The following WDR55 variants were observed in gnomAD, a reference collection of about 807,000 sequenced individuals.
WDR55 encodes the protein WD repeat domain 55, also known as WD repeat-containing protein 55.
WDR55 carries 31 observed loss-of-function variants against 34.0 expected under a neutral mutation model. The observed-to-expected ratio is 0.91, with a 90% CI of 0.69 to 1.23. The LOEUF is 1.23. WDR55 is among the 50% of genes most tolerant of loss of function. WDR55 has a pLI of 0.00. For missense variants in WDR55, 440 were observed against 494.6 expected (o/e 0.89, Z 1.05); for synonymous variants, 164 against 185.9 (o/e 0.88, Z 0.96).
At chr5:140,667,008 T>C in intron 1 of WDR55, 1 of 985,418 alleles carries the variant, frequency 1.0e-6, no homozygotes, top group African/African-American at 1.7e-5. Context: ...GTAATGGCCT[T>C]GAGCGTGTTA....
chr5:140,665,257 A>C (rs189865694), intron 1 of WDR55, among the ~76,000 whole-genome samples, 154 bp downstream of exon 1: 1 of 152,356 alleles, frequency 6.6e-6, no homozygotes, highest in East Asian at 1.9e-4. Context: ...CTATCACACC[A>C]ATCTGTTGAA....
intron 1 of WDR55, among the ~76,000 whole-genome samples, chr5:140,665,713 T>A (rs1174652105): frequency 6.6e-6 from 1 of 152,060 alleles, no homozygotes; most frequent in African/African-American, 2.4e-5. Context: ...CTTTAAGTGA[T>A]TTTTCAAACC....
Position 140,671,774 on chromosome 5 carries a change from G to T in WDR55, c.*2120G>T. 1 of 1,555,654 alleles carries T rather than the reference G, an allele frequency of 6.4e-7. No individual in the cohort carries two copies. The highest frequency in any genetic ancestry group is 1.2e-5 in the South Asian group (1 of 84,294). On this transcript the variant is annotated 3_prime_UTR_variant, in exon 7 of 7. Transcript: ENST00000358337. ...CCCTGTAGGAAAAATGCAAAGACAAGGGCAGGTCTAAACCCTGGGCCCAAG... is the reference window on the plus strand; with the variant it reads ...CCCTGTAGGAAAAATGCAAAGACAATGGCAGGTCTAAACCCTGGGCCCAAG...
Position 140,664,966 on chromosome 5 carries a change from C to A in WDR55, c.54C>A (p.Asp18Glu). The change falls in exon 1 of 7, where the codon GAC becomes GAA. Residue 18 changes from aspartate (D) to glutamate (E), a missense_variant. By Grantham distance (45) the Asp-to-Glu change is conservative. Transcript: ENST00000358337. ...RPAEDGSDEE[D>E]PDSMEAPTRI... ...CTGAGGATGGGAGCGACGAGGAGGA[C>A]CCAGACTCCATGGAAGCCCCAACCC... The A allele has an allele frequency of 6.2e-7, 1 of 1,613,118 alleles. No homozygotes were observed. The highest frequency in any genetic ancestry group is 8.5e-7 in the Non-Finnish European group (1 of 1,179,608).
chr5:140,666,670 T>C (rs1655584958), intron 1 of WDR55: 1 of 984,586 alleles, frequency 1.0e-6, no homozygotes. Context: ...GTCTTTGACC[T>C]TGCCTCACAG....
At position 140,669,597 on chromosome 5, in the gene WDR55, G is replaced by A; in HGVS notation, c.1095G>A (p.Glu365=). 1 of 1,614,114 alleles carries A rather than the reference G, an allele frequency of 6.2e-7. No individual in the cohort carries two copies. Among genetic ancestry groups the A allele is most frequent in the Non-Finnish European group, 8.5e-7 (1 of 1,180,002 alleles). The change falls in exon 7 of 7, where the codon GAG becomes GAA. Residue 365 remains glutamate (E), a synonymous_variant. Coordinates refer to ENST00000358337, the MANE Select transcript of WDR55 (RefSeq NM_017706.5). ...TDDFFAGLRE[E]GEDSMAQEEK... ...ACTTCTTCGCAGGACTGAGGGAAGA[G>A]GGAGAAGACTCCATGGCTCAGGAAG...
chr5:140,667,963 G>T, intron 1 of WDR55: 1 of 298,172 alleles, frequency 3.4e-6, no homozygotes, highest in South Asian at 5.9e-5. Flanking sequence ...GTCCAGGCTG[G>T]GGCTTTCAAA....
chr5:140,671,625 C>T lies in WDR55; in HGVS notation c.*1971C>T. 6.3e-7 allele frequency: 1 copy of T among 1,575,668 alleles called. No individual in the cohort carries two copies. Among genetic ancestry groups the T allele is most frequent in the Non-Finnish European group, 8.6e-7 (1 of 1,161,088 alleles). Reference sequence around the variant, plus strand: ...AACCCTAACTTGTCCCTTGCCAAAGCCAACTGGCTGCCCTCTGGCTGTGGG... The same window carrying T: ...AACCCTAACTTGTCCCTTGCCAAAGTCAACTGGCTGCCCTCTGGCTGTGGG... On this transcript the variant is annotated 3_prime_UTR_variant, in exon 7 of 7. Coordinates refer to ENST00000358337, the MANE Select transcript of WDR55 (RefSeq NM_017706.5).
In WDR55 at chr5:140,669,770, C is replaced by T; in HGVS notation, c.*116C>T. 1 of 1,106,712 alleles carries T rather than the reference C, an allele frequency of 9.0e-7. No homozygotes were observed. 68.6% of individuals were successfully genotyped at this position (1,106,712 alleles called of 1,614,324 possible). A position where few individuals can be genotyped will look rare whatever the true frequency, so the allele number is the denominator to read the frequency against. On this transcript the variant is annotated 3_prime_UTR_variant, in exon 7 of 7. Coordinates refer to ENST00000358337, the MANE Select transcript of WDR55 (RefSeq NM_017706.5). ...GAAAAGACAGGGTTTTGCCATCGTC[C>T]AGGCTGGAGTGCGCTGGCTTGATCT...
chr5:140,667,397 A>G (rs1757951847), intron 1 of WDR55: 1 of 153,380 alleles, frequency 6.5e-6, no homozygotes, highest in East Asian at 1.9e-4. Flanking sequence ...TCCTGCTACA[A>G]GGAACCCTCC....
At chr5:140,665,750 C>A (rs534480999) in intron 1 of WDR55, among the ~76,000 whole-genome samples, 3 of 152,298 alleles carry the variant, frequency 2.0e-5, no homozygotes, top group Admixed American at 1.3e-4. Context: ...GCCTGTAATA[C>A]CCGCACTTTG....
In WDR55 at chr5:140,670,711, G is replaced by A. The variant is rs1227172564; in HGVS notation, c.*1057G>A. The stretch of plus-strand genomic sequence containing the variant: ...GAAGATGCACTCAAAGCACTGATGT[G>A]AGGAAGTACTTGCCCCGTAGCAGCT... On this transcript the variant is annotated 3_prime_UTR_variant, in exon 7 of 7. Coordinates refer to ENST00000358337, the MANE Select transcript of WDR55 (RefSeq NM_017706.5). 5.9e-6 allele frequency: 1 copy of A among 169,388 alleles called. No individual in the cohort carries two copies. Among genetic ancestry groups the A allele is most frequent in the Non-Finnish European group, 1.3e-5 (1 of 77,168 alleles). The allele number at this position is 169,388 out of a possible 1,614,324, so 10.5% of individuals were successfully genotyped here. A position where few individuals can be genotyped will look rare whatever the true frequency, so the allele number is the denominator to read the frequency against.
At position 140,670,712 on chromosome 5, in the gene WDR55, AG is replaced by A. The variant is rs961937431; in HGVS notation, c.*1060del. On this transcript the variant is annotated 3_prime_UTR_variant, in exon 7 of 7. Coordinates refer to ENST00000358337, the MANE Select transcript of WDR55 (RefSeq NM_017706.5). Reference sequence around the variant, plus strand: ...AAGATGCACTCAAAGCACTGATGTGAGGAAGTACTTGCCCCGTAGCAGCTAT... The same window carrying A: ...AAGATGCACTCAAAGCACTGATGTGAGAAGTACTTGCCCCGTAGCAGCTAT... 1 of 169,374 alleles carries A rather than the reference AG, an allele frequency of 5.9e-6. No individual in the cohort carries two copies. The highest frequency in any genetic ancestry group is 2.4e-5 in the African/African-American group (1 of 41,732). 10.5% of individuals were successfully genotyped at this position (169,374 alleles called of 1,614,324 possible).
Position 140,669,536 on chromosome 5 carries a change from T to C in WDR55, c.1034T>C (p.Leu345Pro), listed in dbSNP as rs1296466583. ...CGGCGCAAAAAAAAGGGAGGACCAC[T>C]GCGGGCTCTGAGCAGCAAGACTTGG... Reference protein sequence around the residue: ...YRRRKKKGGPLRALSSKTWST... With the variant: ...YRRRKKKGGPPRALSSKTWST... The change falls in exon 7 of 7, where the codon CTG becomes CCG. Residue 345 changes from leucine to proline, a missense_variant. By Grantham distance (98) the Leu-to-Pro change is moderately conservative. Coordinates refer to ENST00000358337, the MANE Select transcript of WDR55 (RefSeq NM_017706.5). The C allele has an allele frequency of 1.2e-6, 2 of 1,613,914 alleles. No individual in the cohort carries two copies. The highest frequency in any genetic ancestry group is 1.7e-6 in the Non-Finnish European group (2 of 1,179,986).
Position 140,668,297 on chromosome 5 carries a change from G to A in WDR55, c.255G>A (p.Lys85=). 6.2e-7 allele frequency: 1 copy of A among 1,614,178 alleles called. No homozygotes were observed. The highest frequency in any genetic ancestry group is 8.5e-7 in the Non-Finnish European group (1 of 1,180,024). The change falls in exon 2 of 7, where the codon AAG becomes AAA. Residue 85 remains lysine, a synonymous_variant. Transcript: ENST00000358337. Reference sequence around the variant, plus strand: ...TCTGGTCATCAGGTCACCATCTCAAGGCCTGCCGAGCTGTGGCCTTCTCTG... The same window carrying A: ...TCTGGTCATCAGGTCACCATCTCAAAGCCTGCCGAGCTGTGGCCTTCTCTG... The part of the protein sequence containing the change: ...KELWSSGHHL[K]ACRAVAFSED...
rs781514355 is a variant in WDR55 at position 140,668,631 on chromosome 5, C to A, written c.400C>A (p.Leu134Met). 3.1e-6 allele frequency: 5 copies of A among 1,613,740 alleles called. No individual in the cohort carries two copies. The change falls in exon 4 of 7, where the codon CTG becomes ATG. Residue 134 changes from leucine to methionine, a missense_variant. Leu to Met is a conservative substitution (Grantham distance 15, BLOSUM62 2). Coordinates refer to ENST00000358337, the MANE Select transcript of WDR55 (RefSeq NM_017706.5). ...CTCTAGTGCCCCCATCAATAGTCTT[C>A]TGCTGGTGGATGAGAATGTTCTGGC... ...KAHGAPINSL[L>M]LVDENVLATG...
Position 140,668,418 on chromosome 5 carries a change from T to C in WDR55, c.296T>C (p.Leu99Pro). ...GACCTGGGCACCTTTTCCCCAGAGC[T>C]CATTACTGTCTCCAAGGACAAAGCC... Reference protein sequence around the residue: ...AVAFSEDGQKLITVSKDKAIH... With the variant: ...AVAFSEDGQKPITVSKDKAIH... Residue 99 changes from leucine to proline, a missense_variant, in exon 3 of 7, where the codon CTC (leucine) becomes CCC (proline). Coordinates refer to ENST00000358337, the MANE Select transcript of WDR55 (RefSeq NM_017706.5). 6.2e-7 allele frequency: 1 copy of C among 1,614,170 alleles called. No homozygotes were observed. Among genetic ancestry groups the C allele is most frequent in the Non-Finnish European group, 8.5e-7 (1 of 1,180,034 alleles).
chr5:140,666,304 G>C (rs1757921776), intron 1 of WDR55, among the ~76,000 whole-genome samples: 1 of 151,532 alleles, frequency 6.6e-6, no homozygotes, highest in East Asian at 2.0e-4. Flanking sequence ...GCTGAGGCAG[G>C]AGAATCGCTT....
chr5:140,669,234 T>C lies in WDR55; in HGVS notation c.816T>C (p.Thr272=). 6.2e-7 allele frequency: 1 copy of C among 1,613,502 alleles called. No homozygotes were observed. Among genetic ancestry groups the C allele is most frequent in the East Asian group, 2.2e-5 (1 of 44,848 alleles). Residue 272 remains threonine, a synonymous_variant, in exon 6 of 7, where the codon ACT becomes ACC. Transcript: ENST00000358337. ...VTESLLCTGS[T]DGVIRAVNIL... The stretch of plus-strand genomic sequence containing the variant: ...AGAGTCTGCTGTGTACTGGCTCCAC[T>C]GATGGAGTCATCAGGTGAGGGAAGC...
Sources: gnomAD v4.1 joint callset for allele counts (sites outside exome capture counted in the v4.1 genomes callset) on GRCh38, gnomAD v4.1.1 for gene constraint, MANE v1.5 for transcripts, NCBI Gene and HGNC (gene_info 2026-07-23, HGNC 2026-07-21) for gene names.